KIDINS220: variants seen among roughly 807,000 people sequenced by gnomAD.
The protein encoded by KIDINS220 is kinase D-interacting substrate of 220 kDa.
In KIDINS220, 63 loss-of-function variants were observed where a neutral mutation model predicts 157.6. That is an observed-to-expected ratio of 0.40 (90% CI 0.33 to 0.49). KIDINS220 has a LOEUF of 0.49. KIDINS220 is among the 20% of genes least tolerant of loss of function. The pLI is 0.66. For missense variants in KIDINS220, 1,772 were observed against 2,171.2 expected (o/e 0.82, Z 3.65); for synonymous variants, 732 against 783.6 (o/e 0.93, Z 1.10).
At position 8,786,277 on chromosome 2, in the gene KIDINS220, T is replaced by G; in HGVS notation, c.1868A>C (p.Asp623Ala). The G allele has an allele frequency of 6.2e-7, 1 of 1,614,116 alleles. No homozygotes were observed. ...SLAEMIATLS[D>A]ACEREFGFLA... Reference sequence around the variant, plus strand: ...AAAGCCAAACTCTCTTTCACAAGCATCCGAGAGGGTTGCAATCATTTCAGC... The same window carrying G: ...AAAGCCAAACTCTCTTTCACAAGCAGCCGAGAGGGTTGCAATCATTTCAGC... The change falls in exon 16 of 30, where the codon GAT (aspartate) becomes GCT (alanine). Residue 623 changes from aspartate to alanine, a missense_variant. Around this residue, in one of 3 missense-constraint regions of KIDINS220, gnomAD observed 725 missense variants for 1,017.1 expected, o/e 0.71. Coordinates refer to ENST00000256707, the MANE Select transcript of KIDINS220 (RefSeq NM_020738.4).
intron 22 of KIDINS220, among the ~76,000 whole-genome samples, chr2:8,767,828 C>T (rs1421685985): frequency 6.6e-6 from 1 of 152,084 alleles, no homozygotes; most frequent in African/African-American, 2.4e-5. Flanking sequence ...TTAAAAATAA[C>T]AGGTCTATTA....
intron 9 of KIDINS220, among the ~76,000 whole-genome samples, chr2:8,798,764 C>T (rs1674300872): frequency 6.6e-6 from 1 of 152,140 alleles, no homozygotes; most frequent in South Asian, 2.1e-4. Flanking sequence ...CATCCCATAC[C>T]CCTATAACTG....
chr2:8,776,943 A>G, intron 20 of KIDINS220, 51 bp from the exon 21 acceptor site: 1 of 1,560,252 alleles, frequency 6.4e-7, no homozygotes, highest in Non-Finnish European at 8.6e-7. Context: ...CAGTCTAAGA[A>G]CTTAAGGCTT....
In KIDINS220 at chr2:8,806,330, G is replaced by A. The variant is rs1675452022; in HGVS notation, c.544C>T (p.His182Tyr). The A allele has an allele frequency of 6.2e-7, 1 of 1,610,528 alleles. No homozygotes were observed. The highest frequency in any genetic ancestry group is 1.7e-5 in the Admixed American group (1 of 59,900). ...TPLVWAARKGHLECVKHLLAM... is the reference protein window; with the variant it reads ...TPLVWAARKGYLECVKHLLAM... Reference sequence around the variant, plus strand: ...AATAAATGTTTCACACATTCCAAATGACCCTTTCGTGCAGCCCAAACTAAA... The same window carrying A: ...AATAAATGTTTCACACATTCCAAATAACCCTTTCGTGCAGCCCAAACTAAA... The change falls in exon 7 of 30, where the codon CAT becomes TAT. Residue 182 changes from histidine (H) to tyrosine (Y), a missense_variant. Physicochemically the swap from His to Tyr is moderately conservative, Grantham distance 83 (BLOSUM62 2). This residue lies in a region of KIDINS220 where 254 missense variants were observed against 268.6 expected (regional missense o/e 0.95). Transcript: ENST00000256707.
At chr2:8,736,669 T>C (rs958599958) in intron 27 of KIDINS220, among the ~76,000 whole-genome samples, 199 bp downstream of exon 27, 16 of 152,216 alleles carry the variant, frequency 1.1e-4, no homozygotes, top group Non-Finnish European at 7.3e-5. Context: ...TTTATTTTAT[T>C]TTATCCATTT....
At chr2:8,757,361 A>T (rs1668139463) in intron 22 of KIDINS220, 1 of 1,061,294 alleles carries the variant, frequency 9.4e-7, no homozygotes, top group Non-Finnish European at 1.1e-6. Context: ...CTAAATATCT[A>T]TTTTTTATAT....
intron 3 of KIDINS220, 24 bp downstream of exon 3, chr2:8,818,671 T>C (rs2148401260): frequency 7.7e-7 from 1 of 1,305,814 alleles, no homozygotes; most frequent in Non-Finnish European, 1.1e-6. Context: ...GAGTAAATGA[T>C]GAGTAAATTA....
At chr2:8,752,908 G>A (rs978383725) in intron 22 of KIDINS220, among the ~76,000 whole-genome samples, 5 of 152,096 alleles carry the variant, frequency 3.3e-5, no homozygotes, top group Admixed American at 6.5e-5. Flanking sequence ...GTATAACTGA[G>A]TTCAAGCAAT....
chr2:8,835,990 G>C (rs1680330732), intron 1 of KIDINS220, among the ~76,000 whole-genome samples: 1 of 152,156 alleles, frequency 6.6e-6, no homozygotes, highest in African/African-American at 2.4e-5. Flanking sequence ...TCACCAGACA[G>C]TACACAAGAG....
At position 8,796,786 on chromosome 2, in the gene KIDINS220, C is replaced by T. The variant is rs772420650; in HGVS notation, c.1083G>A (p.Val361=). The T allele has an allele frequency of 1.2e-6, 2 of 1,613,732 alleles. No homozygotes were observed. Among genetic ancestry groups the T allele is most frequent in the Non-Finnish European group, 1.7e-6 (2 of 1,179,720 alleles). ...GATGTTTTACCTTATCTACAGCAGA[C>T]ACTTTAGCACCTTTATCTAGCAGCA... ...VELLLDKGAK[V]SAVDKKGDTP... Residue 361 remains valine, a synonymous_variant, in exon 11 of 30, where the codon GTG becomes GTA. Transcript: ENST00000256707.
At chr2:8,747,592 C>G (rs1032360918) in intron 25 of KIDINS220, 1 of 310,294 alleles carries the variant, frequency 3.2e-6, no homozygotes, top group African/African-American at 2.2e-5. Context: ...TTAGAAATTA[C>G]CAAATGTAAA....
intron 26 of KIDINS220, among the ~76,000 whole-genome samples, chr2:8,742,913 T>C (rs1665822344): frequency 6.6e-6 from 1 of 152,158 alleles, no homozygotes; most frequent in Non-Finnish European, 1.5e-5. Context: ...CCTTTGAAAA[T>C]GTGCTTTTCA....
intron 16 of KIDINS220, 87 bp downstream of exon 16, chr2:8,786,119 G>T: frequency 6.4e-7 from 1 of 1,572,078 alleles, no homozygotes; most frequent in Non-Finnish European, 8.7e-7. Context: ...TGAGTCTAAT[G>T]TTCAAGGTGT....
At chr2:8,735,814 G>A (rs1321971964) in intron 27 of KIDINS220, among the ~76,000 whole-genome samples, 11 of 152,232 alleles carry the variant, frequency 7.2e-5, no homozygotes, top group Admixed American at 3.9e-4. Flanking sequence ...CCCTAAGCAC[G>A]GAGGAGGCCA....
Position 8,818,689 on chromosome 2 carries a change from A to G in KIDINS220, c.207+6T>C. The G allele has an allele frequency of 6.7e-7, 1 of 1,481,798 alleles. No individual in the cohort carries two copies. The highest frequency in any genetic ancestry group is 1.2e-5 in the South Asian group (1 of 85,318). The allele number at this position is 1,481,798 out of a possible 1,614,324, so 91.8% of individuals were successfully genotyped here. ...TAAATGATGAGTAAATTATTTTAAT[A>G]TATACCAAATCTTCCAGATTGCAGT... On this transcript the variant is annotated splice_donor_region_variant and intron_variant, in intron 3 of 29. Transcript: ENST00000256707.
chr2:8,781,109 T>C (rs189864500), intron 17 of KIDINS220, among the ~76,000 whole-genome samples: 1,552 of 138,902 alleles, frequency 0.011, 34 homozygotes, highest in African/African-American at 0.038. Context: ...CCAACACCAA[T>C]CAAAAGAGAG....
chr2:8,727,443 G>A (rs1663440052), downstream of KIDINS220, among the ~76,000 whole-genome samples: 1 of 152,248 alleles, frequency 6.6e-6, no homozygotes, highest in Non-Finnish European at 1.5e-5. Context: ...TTACTCAGGA[G>A]TTAGCCAGGA....
Position 8,796,816 on chromosome 2 carries a change from C to T in KIDINS220, c.1053G>A (p.Val351=). The change falls in exon 11 of 30, where the codon GTG becomes GTA. Residue 351 remains valine (V), a synonymous_variant. Coordinates refer to ENST00000256707, the MANE Select transcript of KIDINS220 (RefSeq NM_020738.4). The part of the protein sequence containing the change: ...KATKMRNIEV[V]ELLLDKGAKV... The stretch of plus-strand genomic sequence containing the variant: ...TAGCACCTTTATCTAGCAGCAGCTC[C>T]ACCACTTCAATGTTTCTCATCTTGG... 1 of 1,614,196 alleles carries T rather than the reference C, an allele frequency of 6.2e-7. No individual in the cohort carries two copies. Among genetic ancestry groups the T allele is most frequent in the Non-Finnish European group, 8.5e-7 (1 of 1,180,028 alleles).
intron 26 of KIDINS220, among the ~76,000 whole-genome samples, chr2:8,742,225 A>G (rs1319495306): frequency 6.6e-6 from 1 of 151,090 alleles, no homozygotes; most frequent in Non-Finnish European, 1.5e-5. Context: ...CCTCTCAAGT[A>G]GGGGGACTTC....
Sources: gnomAD v4.1 joint callset for allele counts (sites outside exome capture counted in the v4.1 genomes callset) on GRCh38, gnomAD v4.1.1 for gene constraint, gnomAD v4.1.1 regional missense constraint, MANE v1.5 for transcripts, NCBI Gene and HGNC (gene_info 2026-07-23, HGNC 2026-07-21) for gene names.